Variants in CADM2 observed in about 807,000 individuals in gnomAD.
The protein encoded by CADM2 is immunoglobulin superfamily member 4D.
Under a neutral mutation model 49.8 loss-of-function variants are expected in CADM2, and 12 were observed. The ratio of observed to expected loss-of-function variants is 0.24; its 90% CI spans 0.15 to 0.39. The LOEUF is 0.39. Ranked by LOEUF, CADM2 falls within the 10% of genes least tolerant of loss-of-function variation. The pLI, the probability that CADM2 is intolerant of heterozygous loss-of-function variation, is 1.00. For missense variants in CADM2, 378 were observed against 492.3 expected (o/e 0.77, Z 2.20); for synonymous variants, 214 against 175.4 (o/e 1.22, Z -1.74).
chr3:85,632,954 A>C (rs2064357020), intron 1 of CADM2, among the ~76,000 whole-genome samples: 1 of 152,082 alleles, frequency 6.6e-6, no homozygotes. Flanking sequence ...AAATAACTTG[A>C]GTATTATTTT....
chr3:84,978,055 A>T (rs1352720522), intron 1 of CADM2, among the ~76,000 whole-genome samples: 1 of 152,116 alleles, frequency 6.6e-6, no homozygotes, highest in Non-Finnish European at 1.5e-5. Flanking sequence ...TAAATTAGAG[A>T]TGGCAAATTT....
At chr3:85,394,386 G>A (rs1365105554) in intron 1 of CADM2, among the ~76,000 whole-genome samples, 1 of 151,986 alleles carries the variant, frequency 6.6e-6, no homozygotes. Context: ...GAAAACTTAT[G>A]CATTATATTT....
intron 1 of CADM2, among the ~76,000 whole-genome samples, chr3:85,333,555 T>G (rs987399936): frequency 2.0e-4 from 31 of 151,916 alleles, no homozygotes; most frequent in Middle Eastern, 6.8e-3. Context: ...TGTTTGCACA[T>G]TAAATGAAGA....
intron 1 of CADM2, among the ~76,000 whole-genome samples, chr3:84,973,070 C>T (rs2031571600): frequency 6.6e-6 from 1 of 152,070 alleles, no homozygotes; most frequent in African/African-American, 2.4e-5. Context: ...CGTGCCACCA[C>T]GCCGGCTAAA....
intron 1 of CADM2, among the ~76,000 whole-genome samples, chr3:85,624,364 G>A (rs13320009): frequency 1.6e-4 from 25 of 152,028 alleles, no homozygotes; most frequent in African/African-American, 5.1e-4. Context: ...ATGGAGTCCC[G>A]CTCTGTCATC....
At chr3:85,266,097 G>C (rs975164220) in intron 1 of CADM2, among the ~76,000 whole-genome samples, 1 of 151,760 alleles carries the variant, frequency 6.6e-6, no homozygotes, top group Non-Finnish European at 1.5e-5. Flanking sequence ...TAAATGTCTC[G>C]ATTCTTCATC....
intron 8 of CADM2, among the ~76,000 whole-genome samples, chr3:86,054,102 C>T (rs9830630): frequency 1.3e-5 from 2 of 151,490 alleles, no homozygotes; most frequent in Non-Finnish European, 2.9e-5. Flanking sequence ...TAACTTAGTA[C>T]ATGAAAAAGC....
In CADM2 at chr3:85,912,255, A is replaced by G. The variant is rs1016330741; in HGVS notation, c.530-118A>G. ...AATAGATTAAATGTTAAAATCACAA[A>G]TATTTGCTTCTTAAAAATTGATAAA... On this transcript the variant is annotated intron_variant, in intron 5 of 9. Coordinates refer to ENST00000383699, the MANE Select transcript of CADM2 (RefSeq NM_001167675.2). 5 of 673,638 alleles carry G rather than the reference A, an allele frequency of 7.4e-6. No homozygotes were observed. In the African/African-American group the frequency reaches 9.2e-5, roughly 12 times the overall value. The allele number at this position is 673,638 out of a possible 1,614,324, so 41.7% of individuals were successfully genotyped here.
At chr3:85,804,076 G>T (rs1173880342) in intron 3 of CADM2, among the ~76,000 whole-genome samples, 1 of 152,030 alleles carries the variant, frequency 6.6e-6, no homozygotes, top group African/African-American at 2.4e-5. Flanking sequence ...GTCACTCATA[G>T]AGATTAAACA....
At chr3:85,191,450 G>A (rs538937865) in intron 1 of CADM2, among the ~76,000 whole-genome samples, 28 of 152,090 alleles carry the variant, frequency 1.8e-4, no homozygotes, top group Middle Eastern at 6.8e-3. Context: ...TTAGTCTTCA[G>A]TACAATGCTT....
chr3:86,009,112 A>AATATAT (rs200986285), intron 8 of CADM2, among the ~76,000 whole-genome samples: 4 of 131,588 alleles, frequency 3.0e-5, no homozygotes, highest in African/African-American at 1.0e-4. Flanking sequence ...TGTGTGTATA[A>AATATAT]ATATATATAT....
At chr3:85,581,704 T>C (rs1311132614) in intron 1 of CADM2, among the ~76,000 whole-genome samples, 2 of 152,130 alleles carry the variant, frequency 1.3e-5, no homozygotes, top group Non-Finnish European at 2.9e-5. Flanking sequence ...AAAACTGGGC[T>C]ATCATTTCTT....
intron 6 of CADM2, among the ~76,000 whole-genome samples, chr3:85,916,777 C>A (rs1441591337): frequency 6.6e-6 from 1 of 152,100 alleles, no homozygotes; most frequent in Non-Finnish European, 1.5e-5. Context: ...AACTAGTTTA[C>A]AGTCCCACCA....
At chr3:85,245,245 A>T (rs2042618741) in intron 1 of CADM2, among the ~76,000 whole-genome samples, 2 of 152,064 alleles carry the variant, frequency 1.3e-5, no homozygotes, top group Admixed American at 1.3e-4. Flanking sequence ...ACTAAAGGAG[A>T]ATTTAGCCTG....
At chr3:85,529,624 C>G (rs1390352080) in intron 1 of CADM2, among the ~76,000 whole-genome samples, 1 of 152,048 alleles carries the variant, frequency 6.6e-6, no homozygotes, top group Non-Finnish European at 1.5e-5. Flanking sequence ...AAAATTAAAA[C>G]ATGGTCTACC....
intron 1 of CADM2, among the ~76,000 whole-genome samples, chr3:85,409,997 T>C (rs974527236): frequency 2.0e-4 from 31 of 152,178 alleles, no homozygotes; most frequent in African/African-American, 7.0e-4. Context: ...GTATTCTCTA[T>C]AGTTATACCT....
At chr3:85,812,450 T>G (rs1278881917) in intron 3 of CADM2, among the ~76,000 whole-genome samples, 1 of 152,184 alleles carries the variant, frequency 6.6e-6, no homozygotes, top group Non-Finnish European at 1.5e-5. Context: ...TGATTTCTGG[T>G]GACATAGTGT....
chr3:85,969,601 T>C (rs1725860829), intron 8 of CADM2, among the ~76,000 whole-genome samples: 1 of 151,394 alleles, frequency 6.6e-6, no homozygotes, highest in African/African-American at 2.4e-5. Context: ...TTTGTGTGTA[T>C]GTACATGTTT....
intron 1 of CADM2, among the ~76,000 whole-genome samples, chr3:85,130,612 T>C (rs1257431007): frequency 6.6e-6 from 1 of 152,206 alleles, no homozygotes; most frequent in Non-Finnish European, 1.5e-5. Context: ...CTGTATAAAA[T>C]AATTGGTCAT....
Sources: gnomAD v4.1 joint callset for allele counts (sites outside exome capture counted in the v4.1 genomes callset) on GRCh38, gnomAD v4.1.1 for gene constraint, MANE v1.5 for transcripts, NCBI Gene and HGNC (gene_info 2026-07-23, HGNC 2026-07-21) for gene names.